The following HSD3B2 variants were observed in gnomAD, a reference collection of about 807,000 sequenced individuals.
The protein encoded by HSD3B2 is hydroxy-delta-5-steroid dehydrogenase, 3 beta- and steroid delta-isomerase 2, also known as 3 beta-hydroxysteroid dehydrogenase/Delta 5-->4-isomerase type 2.
Under a neutral mutation model 9.9 loss-of-function variants are expected in HSD3B2, and 8 were observed. The ratio of observed to expected loss-of-function variants is 0.81; its 90% CI spans 0.47 to 1.46. The LOEUF is 1.46. Among genes scored for constraint, HSD3B2 ranks in the 40% most tolerant of loss-of-function variants. The pLI is 0.00. For missense variants in HSD3B2, 410 were observed against 448.3 expected (o/e 0.91, Z 0.77); for synonymous variants, 221 against 184.5 (o/e 1.20, Z -1.60).
In HSD3B2 at chr1:119,422,954, GC is replaced by G; in HGVS notation, c.*335del. 1 of 448,946 alleles carries G rather than the reference GC, an allele frequency of 2.2e-6. No individual in the cohort carries two copies. Among genetic ancestry groups the G allele is most frequent in the Non-Finnish European group, 4.1e-6 (1 of 246,720 alleles). 27.8% of individuals were successfully genotyped at this position (448,946 alleles called of 1,614,324 possible). On this transcript the variant is annotated 3_prime_UTR_variant, in exon 4 of 4. Transcript: ENST00000369416. Reference sequence around the variant, plus strand: ...TCCATTTCCCCTCTTAAATGAGAAAGCATTTCTTTTCTCTTTAATCTCCTAT... The same window carrying G: ...TCCATTTCCCCTCTTAAATGAGAAAGATTTCTTTTCTCTTTAATCTCCTAT...
intron 2 of HSD3B2, 111 bp downstream of exon 2, chr1:119,415,672 G>A: frequency 9.1e-7 from 1 of 1,100,470 alleles, no homozygotes; most frequent in East Asian, 2.4e-5. Context: ...ATGAAAGCCA[G>A]TCACACATCT....
At chr1:119,416,890 C>T (rs1281571560) in intron 2 of HSD3B2, among the ~76,000 whole-genome samples, 1 of 152,184 alleles carries the variant, frequency 6.6e-6, no homozygotes. Context: ...AAAAGCAATG[C>T]TCAGTCTAGA....
rs1227646518 is a variant in HSD3B2 at position 119,419,520 on chromosome 1, C to T, written c.245C>T (p.Ala82Val). 2.5e-6 allele frequency: 4 copies of T among 1,613,774 alleles called. No individual in the cohort carries two copies. In the East Asian group the frequency reaches 6.7e-5, roughly 27 times the overall value. Residue 82 changes from alanine to valine, a missense_variant, in exon 3 of 4, where the codon GCC becomes GTC. Coordinates refer to ENST00000369416, the MANE Select transcript of HSD3B2 (RefSeq NM_000198.4). ...GACGTCTCGGTCGTCATCCACACCG[C>T]CTGTATCATTGATGTCTTTGGTGTC... ...CQDVSVVIHT[A>V]CIIDVFGVTH...
Position 119,422,744 on chromosome 1 carries a change from A to C in HSD3B2, c.*124A>C. 8.9e-7 allele frequency: 1 copy of C among 1,127,592 alleles called. No homozygotes were observed. Among genetic ancestry groups the C allele is most frequent in the Non-Finnish European group, 1.3e-6 (1 of 764,436 alleles). The allele number at this position is 1,127,592 out of a possible 1,614,324, so 69.8% of individuals were successfully genotyped here. On this transcript the variant is annotated 3_prime_UTR_variant, in exon 4 of 4. Coordinates refer to ENST00000369416, the MANE Select transcript of HSD3B2 (RefSeq NM_000198.4). Reference sequence around the variant, plus strand: ...AGGTCCTGCTGCCTCTCTTTCACACAATGCCCAACTTACTGTCTTCTTCAT... The same window carrying C: ...AGGTCCTGCTGCCTCTCTTTCACACCATGCCCAACTTACTGTCTTCTTCAT...
rs914600090 is a variant in HSD3B2, at chr1:119,420,425, CA to C, written c.307+853del. On this transcript the variant is annotated intron_variant, in intron 3 of 3. Coordinates refer to ENST00000369416, the MANE Select transcript of HSD3B2 (RefSeq NM_000198.4). ...CTCCAGCACTGTCTAAAAAAACAAA[CA>C]AAAAAAAAACCTTTCCAGTTTCTAC... 3.9e-3 allele frequency among the ~76,000 whole-genome samples: 580 copies of C among 147,274 alleles called. 7 individuals carry two copies. The highest frequency in any genetic ancestry group is 0.013 in the African/African-American group (533 of 40,178).
Position 119,422,240 on chromosome 1 carries a change from A to G in HSD3B2, c.739A>G (p.Ser247Gly), listed in dbSNP as rs750684493. 3 of 1,614,134 alleles carry G rather than the reference A, an allele frequency of 1.9e-6. No individual in the cohort carries two copies. Among genetic ancestry groups the G allele is most frequent in the Admixed American group, 1.7e-5 (1 of 60,020 alleles). The change falls in exon 4 of 4, where the codon AGT becomes GGT. Residue 247 changes from serine to glycine, a missense_variant. Physicochemically the swap from Ser to Gly is moderately conservative, Grantham distance 56. Coordinates refer to ENST00000369416, the MANE Select transcript of HSD3B2 (RefSeq NM_000198.4). Reference sequence around the variant, plus strand: ...TCTGCGGGACCCCAAGAAGGCCCCAAGTGTCCGAGGTCAATTCTATTACAT... The same window carrying G: ...TCTGCGGGACCCCAAGAAGGCCCCAGGTGTCCGAGGTCAATTCTATTACAT... ...RALRDPKKAP[S>G]VRGQFYYISD... is the part of the protein sequence containing the mutation.
chr1:119,421,326 C>CA (rs952552033), intron 3 of HSD3B2, among the ~76,000 whole-genome samples: 1 of 146,538 alleles, frequency 6.8e-6, no homozygotes, highest in Non-Finnish European at 1.5e-5. Flanking sequence ...CCTTACTTGG[C>CA]AAAAAATAAA....
rs776831616 is a variant in HSD3B2 at position 119,422,224 on chromosome 1, C to G, written c.723C>G (p.Asp241Glu). 1 of 1,614,094 alleles carries G rather than the reference C, an allele frequency of 6.2e-7. No homozygotes were observed. Among genetic ancestry groups the G allele is most frequent in the East Asian group, 2.2e-5 (1 of 44,840 alleles). Reference protein sequence around the residue: ...AHILALRALRDPKKAPSVRGQ... With the variant: ...AHILALRALREPKKAPSVRGQ... ...TTCTGGCCTTGAGGGCTCTGCGGGA[C>G]CCCAAGAAGGCCCCAAGTGTCCGAG... The change falls in exon 4 of 4, where the codon GAC becomes GAG. Residue 241 changes from aspartate (D) to glutamate (E), a missense_variant. Transcript: ENST00000369416.
chr1:119,414,953 A>G (rs1429165865), upstream of HSD3B2: 1 of 214,086 alleles, frequency 4.7e-6, no homozygotes, highest in East Asian at 1.1e-4. Context: ...AAGACTCTTT[A>G]TCACACTGTG....
chr1:119,415,078 G>A, upstream of HSD3B2: 1 of 352,528 alleles, frequency 2.8e-6, no homozygotes, highest in Non-Finnish European at 5.5e-6. Context: ...TGAGTATGTG[G>A]CAGGAGTTCA....
At chr1:119,415,253 T>C (rs2101334716) in intron 1 of HSD3B2, 51 bp downstream of exon 1, 2 of 684,396 alleles carry the variant, frequency 2.9e-6, no homozygotes, top group East Asian at 2.8e-5. Context: ...TGTGGGGTCA[T>C]GGAATTTTTG....
At chr1:119,417,431 G>C (rs1651741122) in intron 2 of HSD3B2, 1 of 152,178 alleles carries the variant, frequency 6.6e-6, no homozygotes. Flanking sequence ...CTATGAAATG[G>C]CAATTCCTTT....
intron 2 of HSD3B2, among the ~76,000 whole-genome samples, chr1:119,416,234 T>C (rs1305980686): frequency 6.6e-6 from 1 of 151,960 alleles, no homozygotes; most frequent in East Asian, 1.9e-4. Context: ...CATGCACAAG[T>C]GCACGGCACA....
At chr1:119,419,217 G>A (rs1651792358) in intron 2 of HSD3B2, among the ~76,000 whole-genome samples, 1 of 152,144 alleles carries the variant, frequency 6.6e-6, no homozygotes, top group Admixed American at 6.5e-5. Context: ...AGAAACAGAT[G>A]TTTGCTCTTT....
chr1:119,419,474 T>C lies in HSD3B2; in HGVS notation c.199T>C (p.Phe67Leu). The stretch of plus-strand genomic sequence containing the variant: ...TGAAGGAGACATTCTGGATGAGCCA[T>C]TCCTGAAAAGAGCCTGCCAGGACGT... Reference protein sequence around the residue: ...VLEGDILDEPFLKRACQDVSV... With the variant: ...VLEGDILDEPLLKRACQDVSV... The change falls in exon 3 of 4, where the codon TTC becomes CTC. Residue 67 changes from phenylalanine (F) to leucine (L), a missense_variant. By Grantham distance (22) the Phe-to-Leu change is conservative. Coordinates refer to ENST00000369416, the MANE Select transcript of HSD3B2 (RefSeq NM_000198.4). 1 of 1,613,768 alleles carries C rather than the reference T, an allele frequency of 6.2e-7. No individual in the cohort carries two copies. Among genetic ancestry groups the C allele is most frequent in the Non-Finnish European group, 8.5e-7 (1 of 1,179,772 alleles).
rs758045653 is a variant in HSD3B2 at position 119,422,396 on chromosome 1, G to A, written c.895G>A (p.Val299Ile). The A allele has an allele frequency of 1.2e-5, 20 of 1,614,158 alleles. 1 individual carries two copies. The South Asian group carries it at 1.8e-4, about 14-fold the overall frequency. Residue 299 changes from valine to isoleucine, a missense_variant, in exon 4 of 4, where the codon GTA becomes ATA. By Grantham distance (29) the Val-to-Ile change is conservative (BLOSUM62 3). Transcript: ENST00000369416. ...LMYWIGFLLE[V>I]VSFLLSPIYS... Reference sequence around the variant, plus strand: ...GTACTGGATTGGCTTCCTGCTGGAAGTAGTGAGCTTCCTACTCAGCCCAAT... The same window carrying A: ...GTACTGGATTGGCTTCCTGCTGGAAATAGTGAGCTTCCTACTCAGCCCAAT...
At chr1:119,415,094 A>G, upstream of HSD3B2, 1 of 373,896 alleles carries the variant, frequency 2.7e-6, no homozygotes, top group South Asian at 2.4e-5. Context: ...GTTCAAGGTA[A>G]TAAGGGCTGA....
intron 3 of HSD3B2, among the ~76,000 whole-genome samples, chr1:119,421,453 G>GTATATATATGTA: frequency 5.8e-5 from 1 of 17,312 alleles, no homozygotes; most frequent in South Asian, 1.6e-3. Flanking sequence ...ATATATATAT[G>GTATATATATGTA]TATATATATA....
chr1:119,418,412 G>A (rs1448224488), intron 2 of HSD3B2, among the ~76,000 whole-genome samples: 1 of 151,962 alleles, frequency 6.6e-6, no homozygotes, highest in Non-Finnish European at 1.5e-5. Context: ...TTCAAGGTGA[G>A]GTCTGAAATT....
Sources: allele counts gnomAD v4.1 joint callset (sites outside exome capture counted in the v4.1 genomes callset), GRCh38; gene constraint gnomAD v4.1.1; transcripts MANE v1.5; gene names NCBI Gene and HGNC (gene_info 2026-07-23, HGNC 2026-07-21).